The following ROBO1 variants were observed in gnomAD, a reference collection of about 807,000 sequenced individuals.
ROBO1 encodes the protein roundabout homolog 1.
In ROBO1, 149 loss-of-function variants were observed where a neutral mutation model predicts 195.9. That is an observed-to-expected ratio of 0.76 (90% CI 0.67 to 0.87). The LOEUF (loss-of-function observed/expected upper bound fraction) is 0.87. Among genes scored for constraint, ROBO1 ranks in the 40% least tolerant of loss-of-function variants. The pLI is 0.00. For synonymous variants in ROBO1, 816 were observed against 733.2 expected, an observed-to-expected ratio of 1.11 and a Z score of -1.82; for missense variants, 1,933 against 2,068.3, an observed-to-expected ratio of 0.93 and a Z score of 1.27.
chr3:79,436,806 A>G (rs1559898309), intron 2 of ROBO1, among the ~76,000 whole-genome samples: 2 of 152,210 alleles, frequency 1.3e-5, no homozygotes, highest in East Asian at 3.9e-4. Flanking sequence ...GGCATTGTAA[A>G]GAGTGAAGGT....
intron 8 of ROBO1, among the ~76,000 whole-genome samples, chr3:78,690,864 C>A (rs986200165): frequency 6.6e-6 from 1 of 152,066 alleles, no homozygotes; most frequent in African/African-American, 2.4e-5. Context: ...AGAATGTGTG[C>A]CAGAATCTAT....
chr3:78,839,406 T>C (rs1489528807), intron 4 of ROBO1, among the ~76,000 whole-genome samples: 1 of 151,038 alleles, frequency 6.6e-6, no homozygotes, highest in African/African-American at 2.4e-5. Context: ...GTACTGAATA[T>C]TCTTTTTTTC....
intron 1 of ROBO1, among the ~76,000 whole-genome samples, chr3:79,721,869 A>T (rs2107299035): frequency 6.6e-6 from 1 of 152,294 alleles, no homozygotes; most frequent in Middle Eastern, 3.4e-3. Context: ...TAAAAATATA[A>T]AAGTAAAGCC....
intron 2 of ROBO1, among the ~76,000 whole-genome samples, chr3:79,303,114 GGACT>G (rs1468769607): frequency 6.6e-5 from 10 of 150,608 alleles, no homozygotes; most frequent in East Asian, 3.9e-4. Flanking sequence ...TCTACATTGC[GGACT>G]GACTAACTCT....
At chr3:78,980,150 C>T (rs192779994) in intron 3 of ROBO1, among the ~76,000 whole-genome samples, 1 of 152,050 alleles carries the variant, frequency 6.6e-6, no homozygotes, top group Non-Finnish European at 1.5e-5. Flanking sequence ...ATTTAAAAAT[C>T]AATACATTAA....
At chr3:79,206,251 C>G (rs997586797) in intron 2 of ROBO1, among the ~76,000 whole-genome samples, 7 of 152,070 alleles carry the variant, frequency 4.6e-5, no homozygotes, top group Non-Finnish European at 7.4e-5. Context: ...GATTGTAGTA[C>G]TTGTTTTCAA....
At position 79,589,854 on chromosome 3, in the gene ROBO1, T is replaced by C; in HGVS notation, c.58A>G (p.Asn20Asp). Residue 20 changes from asparagine (N) to aspartate (D), a missense_variant, in exon 2 of 31, where the codon AAT becomes GAT. Transcript: ENST00000464233. ...ATAAGCTGGGCCAGAAACAGGTGAT[T>C]TGGGGATAAGCTGAGGAGTGATATC... ...VMISLLSLSP[N>D]HLFLAQLIPD... is the part of the protein sequence containing the mutation. 2 of 1,611,128 alleles carry C rather than the reference T, an allele frequency of 1.2e-6. No homozygotes were observed. The highest frequency in any genetic ancestry group is 2.2e-5 in the East Asian group (1 of 44,780).
At chr3:78,989,905 G>T (rs2077196142) in intron 3 of ROBO1, among the ~76,000 whole-genome samples, 1 of 151,942 alleles carries the variant, frequency 6.6e-6, no homozygotes, top group African/African-American at 2.4e-5. Flanking sequence ...AAATATAAAT[G>T]TATATAATAA....
At chr3:79,633,141 A>G (rs1945392738) in intron 1 of ROBO1, among the ~76,000 whole-genome samples, 3 of 151,588 alleles carry the variant, frequency 2.0e-5, no homozygotes, top group Non-Finnish European at 4.4e-5. Flanking sequence ...CATATATTAT[A>G]AGAAAAAGGG....
chr3:78,682,342 A>G (rs1315311927), intron 10 of ROBO1, among the ~76,000 whole-genome samples: 1 of 151,566 alleles, frequency 6.6e-6, no homozygotes, highest in Non-Finnish European at 1.5e-5. Context: ...AACTGTTTTT[A>G]TGTGCACCTG....
chr3:78,890,668 T>A (rs1484224339), intron 4 of ROBO1, among the ~76,000 whole-genome samples: 3 of 152,224 alleles, frequency 2.0e-5, no homozygotes, highest in Non-Finnish European at 4.4e-5. Flanking sequence ...ATTATCGGAA[T>A]ACTTTACATG....
chr3:79,129,448 A>C (rs1414965215), intron 2 of ROBO1, among the ~76,000 whole-genome samples: 2 of 152,130 alleles, frequency 1.3e-5, no homozygotes, highest in Non-Finnish European at 2.9e-5. Flanking sequence ...ATACATACAC[A>C]CAAACAGTAT....
chr3:79,322,664 C>A (rs2034034616), intron 2 of ROBO1, among the ~76,000 whole-genome samples: 1 of 152,234 alleles, frequency 6.6e-6, no homozygotes, highest in East Asian at 1.9e-4. Flanking sequence ...ATAATAGTAA[C>A]CATTTGGCCG....
chr3:79,376,476 C>T (rs547503464), intron 2 of ROBO1, among the ~76,000 whole-genome samples: 157 of 152,264 alleles, frequency 1.0e-3, no homozygotes, highest in African/African-American at 3.5e-3. Flanking sequence ...TTGTAGCTAT[C>T]GCAATTCCCA....
chr3:78,657,922 C>T (rs988224024), intron 17 of ROBO1, among the ~76,000 whole-genome samples: 3 of 152,196 alleles, frequency 2.0e-5, no homozygotes, highest in African/African-American at 7.2e-5. Context: ...TTTATTCAAC[C>T]TCTGGTACAC....
In ROBO1 at chr3:79,154,244, A is replaced by T. The variant is rs2080820979; in HGVS notation, c.89-28705T>A. On this transcript the variant is annotated intron_variant, in intron 2 of 30. Coordinates refer to ENST00000464233, the MANE Select transcript of ROBO1 (RefSeq NM_002941.4). ...ATGACAAGCCCAAGATTACAATTAA[A>T]GTCTTTACAATCTTGGTTAATGCTC... Among the ~76,000 whole-genome samples the T allele has an allele frequency of 2.0e-5, 3 of 151,796 alleles. No individual in the cohort carries two copies. In the South Asian group the frequency reaches 6.2e-4, roughly 31 times the overall value.
chr3:78,684,823 C>A (rs2081016258), intron 10 of ROBO1, among the ~76,000 whole-genome samples: 2 of 152,112 alleles, frequency 1.3e-5, no homozygotes, highest in Non-Finnish European at 2.9e-5. Flanking sequence ...TTTAAAAGAT[C>A]AACAATACTG....
intron 2 of ROBO1, among the ~76,000 whole-genome samples, chr3:79,554,614 A>C (rs1942634881): frequency 6.6e-6 from 1 of 152,216 alleles, no homozygotes; most frequent in Non-Finnish European, 1.5e-5. Context: ...GTAAGAGATA[A>C]ATTTTTAAGG....
At chr3:79,500,963 T>G (rs1424799267) in intron 2 of ROBO1, among the ~76,000 whole-genome samples, 1 of 151,800 alleles carries the variant, frequency 6.6e-6, no homozygotes, top group Non-Finnish European at 1.5e-5. Context: ...CACCCTTTCC[T>G]CCCCCACCAT....
Sources: allele counts gnomAD v4.1 joint callset (sites outside exome capture counted in the v4.1 genomes callset), GRCh38; gene constraint gnomAD v4.1.1; transcripts MANE v1.5; gene names NCBI Gene and HGNC (gene_info 2026-07-23, HGNC 2026-07-21).